CHRM3: variants seen among roughly 807,000 people sequenced by gnomAD.
The protein encoded by CHRM3 is muscarinic acetylcholine receptor M3.
CHRM3 carries 11 observed loss-of-function variants against 41.8 expected under a neutral mutation model. The observed-to-expected ratio is 0.26, with a 90% confidence interval of 0.17 to 0.44. The LOEUF is 0.44. Ranked by LOEUF, CHRM3 falls within the 20% of genes least tolerant of loss-of-function variation. The probability of loss-of-function intolerance (pLI) is 1.00; values close to 1 mark genes in which losing one functional copy is unlikely to be tolerated. For synonymous variants in CHRM3, 297 were observed against 301.4 expected, an observed-to-expected ratio of 0.99 and a Z score of 0.15; for missense variants, 571 against 745.4, an observed-to-expected ratio of 0.77 and a Z score of 2.72.
intron 2 of CHRM3, among the ~76,000 whole-genome samples, chr1:239,511,624 G>A (rs1342906345): frequency 2.6e-5 from 4 of 152,094 alleles, no homozygotes; most frequent in African/African-American, 7.2e-5. Context: ...CACTTGTTTG[G>A]GAGTGGGACA....
intron 3 of CHRM3, among the ~76,000 whole-genome samples, chr1:239,631,945 A>G (rs1356388283): frequency 6.6e-6 from 1 of 152,088 alleles, no homozygotes; most frequent in Non-Finnish European, 1.5e-5. Flanking sequence ...TTGCAACTGG[A>G]GCTTAGGCAG....
chr1:239,897,911 C>G (rs1206157819), intron 6 of CHRM3: 1 of 152,106 alleles, frequency 6.6e-6, no homozygotes, highest in Non-Finnish European at 1.5e-5. Context: ...AAGCACCCTG[C>G]ATTGTTGTTG....
rs1314999780 is a variant in CHRM3 at position 239,387,904 on chromosome 1, C to T, written c.-521+677C>T. ...CGAGGCAGCGGCCGCTGGACTGCAC[C>T]GGTTCTCCTCTTTGGAACACTTCCT... is the stretch of plus-strand genomic sequence containing the variant. On this transcript the variant is annotated intron_variant, in intron 1 of 6. Coordinates refer to ENST00000676153, the MANE Select transcript of CHRM3 (RefSeq NM_001375978.1). The surrounding 1 kb of genome is among the most constrained non-coding windows in gnomAD (Gnocchi z 5.1). Among the ~76,000 whole-genome samples, 2 of 152,132 alleles carry T rather than the reference C, an allele frequency of 1.3e-5. No homozygotes were observed. The highest frequency in any genetic ancestry group is 2.9e-5 in the Non-Finnish European group (2 of 68,028).
At chr1:239,760,937 T>C (rs1313262448) in intron 5 of CHRM3, among the ~76,000 whole-genome samples, 1 of 152,102 alleles carries the variant, frequency 6.6e-6, no homozygotes, top group Non-Finnish European at 1.5e-5. Context: ...TTTTCAGATG[T>C]TTGTTTGTCT....
At chr1:239,525,772 T>C (rs1231825781) in intron 2 of CHRM3, among the ~76,000 whole-genome samples, 1 of 152,216 alleles carries the variant, frequency 6.6e-6, no homozygotes, top group East Asian at 1.9e-4. Context: ...CAGTTTTCTT[T>C]TTTATTGTTA....
intron 1 of CHRM3, among the ~76,000 whole-genome samples, chr1:239,408,544 A>AAAAAG (rs1256608826): frequency 1.3e-5 from 2 of 149,506 alleles, no homozygotes; most frequent in African/African-American, 4.9e-5. Flanking sequence ...AAAAAAAAAA[A>AAAAAG]CTCTCTCCTT....
intron 3 of CHRM3, among the ~76,000 whole-genome samples, chr1:239,616,114 G>C (rs1365830961): frequency 6.6e-6 from 1 of 152,118 alleles, no homozygotes; most frequent in East Asian, 1.9e-4. Flanking sequence ...TTATCAATCC[G>C]CAAGTTGTAA....
At chr1:239,569,014 T>C (rs528621474) in intron 3 of CHRM3, among the ~76,000 whole-genome samples, 171 of 151,902 alleles carry the variant, frequency 1.1e-3, no homozygotes, top group Non-Finnish European at 1.8e-3. Context: ...TTTCTGCCCT[T>C]AGAAGAAAGA....
At chr1:239,507,591 T>C (rs955954997) in intron 2 of CHRM3, among the ~76,000 whole-genome samples, 1 of 152,206 alleles carries the variant, frequency 6.6e-6, no homozygotes, top group Non-Finnish European at 1.5e-5. Flanking sequence ...ATAATAACAG[T>C]GAAGATGATG....
chr1:239,546,906 T>C (rs2148418167), intron 3 of CHRM3, among the ~76,000 whole-genome samples: 1 of 152,310 alleles, frequency 6.6e-6, no homozygotes, highest in Admixed American at 6.5e-5. Flanking sequence ...TTTTAACATC[T>C]TCTATGACCA....
At chr1:239,577,622 A>G (rs1662494929) in intron 3 of CHRM3, among the ~76,000 whole-genome samples, 1 of 152,238 alleles carries the variant, frequency 6.6e-6, no homozygotes. Context: ...TGGGTTTCAC[A>G]ATAATGGTGG....
intron 1 of CHRM3, among the ~76,000 whole-genome samples, chr1:239,416,505 A>T (rs1355043712): frequency 6.6e-6 from 1 of 152,232 alleles, no homozygotes; most frequent in Non-Finnish European, 1.5e-5. Context: ...CAATGAAAAC[A>T]TACTGGTCTG....
In CHRM3 at chr1:239,460,518, A is replaced by G. The variant is rs908726305; in HGVS notation, c.-520-32191A>G. ...TTTCTCCTTTATTATTGCTTTGAGCAATTCTCCTCTTTCTATATTATTCAT... is the reference window on the plus strand; with the variant it reads ...TTTCTCCTTTATTATTGCTTTGAGCGATTCTCCTCTTTCTATATTATTCAT... On this transcript the variant is annotated intron_variant, in intron 1 of 6. Transcript: ENST00000676153. Among the ~76,000 whole-genome samples, 11 of 152,106 alleles carry G rather than the reference A, an allele frequency of 7.2e-5. No homozygotes were observed. The East Asian group carries it at 2.1e-3, about 29-fold the overall frequency.
intron 5 of CHRM3, among the ~76,000 whole-genome samples, chr1:239,721,770 T>C (rs904996675): frequency 8.6e-5 from 13 of 152,000 alleles, no homozygotes; most frequent in African/African-American, 3.1e-4. Flanking sequence ...ATAATCTGAT[T>C]CAGATTATAT....
intron 5 of CHRM3, among the ~76,000 whole-genome samples, chr1:239,814,360 G>A (rs933591910): frequency 5.9e-5 from 9 of 152,064 alleles, no homozygotes; most frequent in Admixed American, 5.9e-4. Context: ...TACAGTGTTG[G>A]CAGCTTTTAC....
At chr1:239,823,216 G>A (rs1157801290) in intron 5 of CHRM3, among the ~76,000 whole-genome samples, 1 of 152,156 alleles carries the variant, frequency 6.6e-6, no homozygotes, top group Non-Finnish European at 1.5e-5. Context: ...CTCAATGAAA[G>A]AGGCAAATAA....
intron 6 of CHRM3, among the ~76,000 whole-genome samples, chr1:239,901,242 A>G (rs2103014348): frequency 6.6e-6 from 1 of 152,214 alleles, no homozygotes; most frequent in South Asian, 2.1e-4. Context: ...AGTGTAAGGC[A>G]AGATTCCAAG....
chr1:239,461,002 A>G (rs1276233380), intron 1 of CHRM3, among the ~76,000 whole-genome samples: 1 of 152,184 alleles, frequency 6.6e-6, no homozygotes, highest in East Asian at 1.9e-4. Context: ...AATGGCCTCC[A>G]TTGGGATCTA....
intron 3 of CHRM3, among the ~76,000 whole-genome samples, chr1:239,602,110 G>GTGTGTGTGTGTGTATATA (rs1307023039): frequency 1.8e-5 from 2 of 112,862 alleles, no homozygotes; most frequent in African/African-American, 3.4e-5. Context: ...GTGTGTGTGT[G>GTGTGTGTGTGTGTATATA]TATATATATA....
Sources: allele counts gnomAD v4.1 joint callset (sites outside exome capture counted in the v4.1 genomes callset), GRCh38; gene constraint gnomAD v4.1.1; non-coding constraint Gnocchi (gnomAD v3.1); transcripts MANE v1.5; gene names NCBI Gene and HGNC (gene_info 2026-07-23, HGNC 2026-07-21).